The following GRID2 variants were observed in gnomAD, a reference collection of about 807,000 sequenced individuals.
GRID2 encodes the protein glutamate receptor ionotropic, delta-2.
GRID2 carries 33 observed loss-of-function variants against 114.8 expected under a neutral mutation model. The ratio of observed to expected loss-of-function variants is 0.29; its 90% CI spans 0.22 to 0.38. The LOEUF is 0.38. Among genes scored for constraint, GRID2 ranks in the 10% least tolerant of loss-of-function variants. GRID2 has a pLI of 1.00. For synonymous variants in GRID2, 505 were observed against 449.9 expected, an observed-to-expected ratio of 1.12 and a Z score of -1.55; for missense variants, 1,184 against 1,257.7, an observed-to-expected ratio of 0.94 and a Z score of 0.89.
chr4:92,358,254 A>C (rs1367215298), intron 1 of GRID2, among the ~76,000 whole-genome samples: 1 of 151,970 alleles, frequency 6.6e-6, no homozygotes, highest in Non-Finnish European at 1.5e-5. Flanking sequence ...CATGTTGTTC[A>C]CTGGAGAGGA....
chr4:93,046,736 C>T (rs1036950816), intron 2 of GRID2, among the ~76,000 whole-genome samples: 1 of 151,854 alleles, frequency 6.6e-6, no homozygotes, highest in Non-Finnish European at 1.5e-5. Context: ...CACTAAGCAA[C>T]CATTTTCATA....
intron 1 of GRID2, among the ~76,000 whole-genome samples, chr4:92,343,317 T>A (rs554555464): frequency 6.6e-6 from 1 of 151,830 alleles, no homozygotes; most frequent in Non-Finnish European, 1.5e-5. Flanking sequence ...ATTATATATG[T>A]AATATTTACA....
intron 2 of GRID2, among the ~76,000 whole-genome samples, chr4:92,664,956 TG>T (rs1207152300): frequency 6.6e-6 from 1 of 150,846 alleles, no homozygotes; most frequent in Non-Finnish European, 1.5e-5. Context: ...AGCATATTGT[TG>T]GTTGATTTTA....
chr4:92,696,955 G>C (rs188791769), intron 2 of GRID2, among the ~76,000 whole-genome samples: 47 of 152,260 alleles, frequency 3.1e-4, no homozygotes, highest in African/African-American at 9.6e-4. Flanking sequence ...AGCTGATTCA[G>C]CAGCACATGG....
chr4:92,972,470 G>A (rs1753584193), intron 2 of GRID2, among the ~76,000 whole-genome samples: 1 of 152,050 alleles, frequency 6.6e-6, no homozygotes, highest in Non-Finnish European at 1.5e-5. Context: ...AACAGATAAT[G>A]TAACACAATT....
At chr4:92,812,650 T>C (rs1195419023) in intron 2 of GRID2, among the ~76,000 whole-genome samples, 1 of 152,138 alleles carries the variant, frequency 6.6e-6, no homozygotes, top group Admixed American at 6.6e-5. Flanking sequence ...CTGAATTATA[T>C]ATAGTGATGA....
chr4:92,376,910 G>A (rs1199958053), intron 1 of GRID2, among the ~76,000 whole-genome samples: 2 of 152,114 alleles, frequency 1.3e-5, no homozygotes, highest in Non-Finnish European at 2.9e-5. Context: ...TGGGGACCCT[G>A]GGTCTGGTCC....
intron 1 of GRID2, among the ~76,000 whole-genome samples, chr4:92,489,915 A>C (rs973828842): frequency 3.3e-5 from 5 of 152,110 alleles, no homozygotes; most frequent in African/African-American, 7.2e-5. Flanking sequence ...GAAATTCATG[A>C]AAGTTTAAAA....
chr4:93,283,870 A>T (rs1752892075), intron 8 of GRID2, among the ~76,000 whole-genome samples: 1 of 152,106 alleles, frequency 6.6e-6, no homozygotes, highest in Admixed American at 6.6e-5. Flanking sequence ...ATTCATTAAC[A>T]TTCCAAAACT....
At chr4:93,245,634 A>G (rs888178996) in intron 8 of GRID2, among the ~76,000 whole-genome samples, 1 of 152,174 alleles carries the variant, frequency 6.6e-6, no homozygotes, top group African/African-American at 2.4e-5. Flanking sequence ...GCTGTAGTGG[A>G]AAAACGTGTA....
intron 11 of GRID2, among the ~76,000 whole-genome samples, chr4:93,470,589 T>C (rs1724708190): frequency 6.6e-6 from 1 of 151,996 alleles, no homozygotes; most frequent in Admixed American, 6.6e-5. Flanking sequence ...TATCGTGATG[T>C]GTTGTGAGTT....
intron 1 of GRID2, among the ~76,000 whole-genome samples, chr4:92,370,987 A>G (rs564559550): frequency 6.6e-6 from 1 of 152,312 alleles, no homozygotes; most frequent in South Asian, 2.1e-4. Context: ...ATATGAGGAA[A>G]GTTTTAGTGG....
At chr4:92,636,556 C>G (rs1731075825) in intron 2 of GRID2, among the ~76,000 whole-genome samples, 1 of 152,030 alleles carries the variant, frequency 6.6e-6, no homozygotes, top group African/African-American at 2.4e-5. Context: ...TGGTAGGGGA[C>G]AGTGTGGGAA....
chr4:92,485,469 G>T (rs538930441), intron 1 of GRID2, among the ~76,000 whole-genome samples: 30 of 150,690 alleles, frequency 2.0e-4, no homozygotes, highest in African/African-American at 6.6e-4. Context: ...GGAGGCCCAG[G>T]TGGGTGGATC....
intron 4 of GRID2, among the ~76,000 whole-genome samples, chr4:93,175,050 T>A (rs887140427): frequency 6.6e-6 from 1 of 152,206 alleles, no homozygotes; most frequent in African/African-American, 2.4e-5. Flanking sequence ...GCCATACACT[T>A]TTTCTTGGCT....
At chr4:93,504,266 A>T (rs1270697497) in intron 12 of GRID2, among the ~76,000 whole-genome samples, 1 of 152,074 alleles carries the variant, frequency 6.6e-6, no homozygotes, top group African/African-American at 2.4e-5. Context: ...ATTATTATGT[A>T]TTATTGTTTC....
chr4:92,368,124 G>T (rs570298473), intron 1 of GRID2, among the ~76,000 whole-genome samples: 1 of 152,068 alleles, frequency 6.6e-6, no homozygotes, highest in Admixed American at 6.6e-5. Flanking sequence ...GTATGGGTGC[G>T]GGTCTCAGAG....
chr4:92,669,993 G>A (rs1440366908), intron 2 of GRID2, among the ~76,000 whole-genome samples: 1 of 151,984 alleles, frequency 6.6e-6, no homozygotes, highest in Admixed American at 6.6e-5. Context: ...CAAAGGTGAT[G>A]AAATATCTTC....
At chr4:92,630,882 T>C (rs1730771536) in intron 2 of GRID2, among the ~76,000 whole-genome samples, 1 of 152,056 alleles carries the variant, frequency 6.6e-6, no homozygotes, top group Admixed American at 6.6e-5. Context: ...ATGTGTGGGA[T>C]TAATTAATGT....
Sources: allele counts gnomAD v4.1 joint callset (sites outside exome capture counted in the v4.1 genomes callset), GRCh38; gene constraint gnomAD v4.1.1; transcripts MANE v1.5; gene names NCBI Gene and HGNC (gene_info 2026-07-23, HGNC 2026-07-21).